Variants in FGF12 observed in about 807,000 individuals in gnomAD.
The protein encoded by FGF12 is fibroblast growth factor 12B.
In FGF12, 14 loss-of-function variants were observed where a neutral mutation model predicts 23.6. The ratio of observed to expected loss-of-function variants is 0.59; its 90% CI spans 0.39 to 0.93. FGF12 has a LOEUF of 0.93. Ranked by LOEUF, FGF12 falls within the 40% of genes least tolerant of loss-of-function variation. The pLI is 0.00. For missense variants in FGF12, 175 were observed against 217.8 expected (o/e 0.80, Z 1.24); for synonymous variants, 62 against 77.3 (o/e 0.80, Z 1.04).
At chr3:192,232,081 C>T (rs1719051286) in intron 4 of FGF12, among the ~76,000 whole-genome samples, 2 of 152,106 alleles carry the variant, frequency 1.3e-5, no homozygotes, top group African/African-American at 4.8e-5. Flanking sequence ...AGTAATAAAT[C>T]AAATACACCT....
At chr3:192,161,992 AAACAT>A (rs1714909268) in intron 5 of FGF12, among the ~76,000 whole-genome samples, 1 of 152,150 alleles carries the variant, frequency 6.6e-6, no homozygotes, top group Admixed American at 6.5e-5. Flanking sequence ...AATAAAACTA[AAACAT>A]TAAACTCTAT....
chr3:192,216,265 G>A (rs1228736571), intron 4 of FGF12, among the ~76,000 whole-genome samples: 3 of 152,028 alleles, frequency 2.0e-5, no homozygotes, highest in Non-Finnish European at 2.9e-5. Context: ...TTGTTAACCA[G>A]AATTTTATGA....
At chr3:192,478,119 G>A (rs140708689) in intron 2 of FGF12, among the ~76,000 whole-genome samples, 4 of 152,184 alleles carry the variant, frequency 2.6e-5, no homozygotes, top group African/African-American at 4.8e-5. Flanking sequence ...CTGTAACCCT[G>A]GGCAAGTCTT....
At chr3:192,662,685 C>T (rs1283303708) in intron 2 of FGF12, among the ~76,000 whole-genome samples, 1 of 152,176 alleles carries the variant, frequency 6.6e-6, no homozygotes, top group African/African-American at 2.4e-5. Flanking sequence ...AGCTTCTTCT[C>T]CTCTAAGTAT....
At chr3:192,589,284 G>A (rs1419186657) in intron 2 of FGF12, among the ~76,000 whole-genome samples, 4 of 149,336 alleles carry the variant, frequency 2.7e-5, no homozygotes, top group East Asian at 2.0e-4. Flanking sequence ...GCAGGAAGCC[G>A]AGATTGCACC....
intron 2 of FGF12, among the ~76,000 whole-genome samples, chr3:192,724,599 C>G (rs79648681): frequency 0.014 from 2,107 of 152,254 alleles, 51 homozygotes; most frequent in African/African-American, 0.049. Flanking sequence ...ATCTTTGAGA[C>G]AATGTTAAGT....
At chr3:192,222,724 T>C (rs532545668) in intron 4 of FGF12, among the ~76,000 whole-genome samples, 37 of 152,152 alleles carry the variant, frequency 2.4e-4, no homozygotes, top group Non-Finnish European at 5.3e-4. Flanking sequence ...CTGATATCTA[T>C]CAAGTTAACC....
Position 192,291,499 on chromosome 3 carries a change from C to T in FGF12, c.228+43862G>A, listed in dbSNP as rs137871764. Among the ~76,000 whole-genome samples the T allele has an allele frequency of 7.5e-3, 1,136 of 152,076 alleles. 12 individuals carry two copies. The highest frequency in any genetic ancestry group is 0.026 in the African/African-American group (1,080 of 41,466). ...TCAGGAAGCTGAGGTGGAAGAATTGCTTGGGCCTGGGAGGTCGAGGTTGCA... is the reference window on the plus strand; with the variant it reads ...TCAGGAAGCTGAGGTGGAAGAATTGTTTGGGCCTGGGAGGTCGAGGTTGCA... On this transcript the variant is annotated intron_variant, in intron 4 of 5. Coordinates refer to ENST00000445105, the MANE Select transcript of FGF12 (RefSeq NM_004113.6).
intron 4 of FGF12, among the ~76,000 whole-genome samples, chr3:192,241,064 T>C (rs1384900520): frequency 6.6e-6 from 1 of 152,200 alleles, no homozygotes; most frequent in African/African-American, 2.4e-5. Context: ...CTTTAATATC[T>C]AGCCACAGTG....
At chr3:192,407,078 AAGCTGGGTACACT>A (rs1388201345) in intron 2 of FGF12, among the ~76,000 whole-genome samples, 2 of 152,182 alleles carry the variant, frequency 1.3e-5, no homozygotes, top group East Asian at 3.9e-4. Context: ...CCATTCTCTC[AAGCTGGGTACACT>A]GGCCTGGCTT....
At chr3:192,618,301 T>A (rs1289395345) in intron 2 of FGF12, among the ~76,000 whole-genome samples, 1 of 151,870 alleles carries the variant, frequency 6.6e-6, no homozygotes, top group Admixed American at 6.6e-5. Flanking sequence ...AGAATGCTAC[T>A]GCTGATAGAA....
intron 2 of FGF12, among the ~76,000 whole-genome samples, chr3:192,468,471 T>A (rs1045386066): frequency 9.2e-5 from 14 of 152,216 alleles, no homozygotes; most frequent in Non-Finnish European, 2.1e-4. Context: ...TTCTGCAGTA[T>A]ACTGATGGGT....
rs1373607829 is a variant in FGF12, at chr3:192,659,051, G to C, written c.13+68130C>G. On this transcript the variant is annotated intron_variant, in intron 2 of 5. Transcript: ENST00000445105. ...TCATGGGACAGGACAAATCAGGCTTGAAAGTCATCCCAAAACTGATGGTTT... is the reference window on the plus strand; with the variant it reads ...TCATGGGACAGGACAAATCAGGCTTCAAAGTCATCCCAAAACTGATGGTTT... Among the ~76,000 whole-genome samples, 85 of 152,140 alleles carry C rather than the reference G, an allele frequency of 5.6e-4. 1 individual carries two copies. The highest frequency in any genetic ancestry group is 5.6e-3 in the Admixed American group (85 of 15,278).
chr3:192,524,160 T>G (rs1415751940), intron 2 of FGF12, among the ~76,000 whole-genome samples: 4 of 152,188 alleles, frequency 2.6e-5, no homozygotes, highest in African/African-American at 4.8e-5. Context: ...CCCTTCCTAG[T>G]GCAACATTCT....
intron 2 of FGF12, among the ~76,000 whole-genome samples, chr3:192,398,784 C>A (rs959002138): frequency 6.6e-6 from 1 of 152,190 alleles, no homozygotes; most frequent in Non-Finnish European, 1.5e-5. Context: ...AAACCTGAGT[C>A]TAAATCCAGA....
At chr3:192,633,719 A>G (rs939679366) in intron 2 of FGF12, among the ~76,000 whole-genome samples, 8 of 152,184 alleles carry the variant, frequency 5.3e-5, no homozygotes, top group Non-Finnish European at 2.9e-5. Flanking sequence ...TCAGCACAGG[A>G]TTAACTATCT....
At chr3:192,440,225 A>T (rs1722164815) in intron 2 of FGF12, among the ~76,000 whole-genome samples, 1 of 152,210 alleles carries the variant, frequency 6.6e-6, no homozygotes, top group African/African-American at 2.4e-5. Context: ...TTGTTATAAG[A>T]GCAACAGGAA....
intron 4 of FGF12, among the ~76,000 whole-genome samples, chr3:192,274,687 ATACTT>A (rs1262599891): frequency 6.6e-6 from 1 of 152,212 alleles, no homozygotes; most frequent in African/African-American, 2.4e-5. Flanking sequence ...TAATATGTGA[ATACTT>A]TAAGGATACG....
intron 4 of FGF12, among the ~76,000 whole-genome samples, chr3:192,275,565 G>A (rs1003429107): frequency 6.6e-6 from 1 of 152,120 alleles, no homozygotes; most frequent in African/African-American, 2.4e-5. Flanking sequence ...TACCTGTTGG[G>A]ACTAGAAAAG....
Sources: gnomAD v4.1 joint callset for allele counts (sites outside exome capture counted in the v4.1 genomes callset) on GRCh38, gnomAD v4.1.1 for gene constraint, MANE v1.5 for transcripts, NCBI Gene and HGNC (gene_info 2026-07-23, HGNC 2026-07-21) for gene names.